TSPEAR: variants seen among roughly 807,000 people sequenced by gnomAD.
TSPEAR encodes the protein thrombospondin type laminin G domain and EAR repeats.
A neutral mutation model predicts 71.6 loss-of-function variants in TSPEAR; 69 were observed. That is an observed-to-expected ratio of 0.96 (90% CI 0.79 to 1.18). The LOEUF is 1.18. Among genes scored for constraint, TSPEAR ranks in the 50% most tolerant of loss-of-function variants. The probability of loss-of-function intolerance (pLI) is 0.00; values close to 1 mark genes in which losing one functional copy is unlikely to be tolerated. For synonymous variants in TSPEAR, 402 were observed against 387.2 expected (o/e 1.04, Z -0.45); for missense variants, 971 against 894.9 (o/e 1.09, Z -1.09).
chr21:44,646,983 G>T (rs1555940122), intron 1 of TSPEAR: 1 of 1,613,484 alleles, frequency 6.2e-7, no homozygotes, highest in South Asian at 1.1e-5. Context: ...CTAGCTGCCA[G>T]CCAGCTTGCT....
chr21:44,508,696 T>C (rs782746397), intron 10 of TSPEAR: 177 of 1,220,076 alleles, frequency 1.5e-4, no homozygotes, highest in Non-Finnish European at 1.8e-4. Context: ...CCACCCTCCA[T>C]GTTCCCTGGA....
Position 44,684,645 on chromosome 21 carries a change from G to C in TSPEAR, c.82+26788C>G, listed in dbSNP as rs375915536. Among the ~76,000 whole-genome samples the C allele has an allele frequency of 3.9e-5, 6 of 152,350 alleles. No homozygotes were observed. The South Asian group carries it at 8.3e-4, about 21-fold the overall frequency. On this transcript the variant is annotated intron_variant, in intron 1 of 11. Coordinates refer to ENST00000323084, the MANE Select transcript of TSPEAR (RefSeq NM_144991.3). ...AGGCAACGTGGACAGATGTGCTTTA[G>C]GTTGACTAGGACGAGGCCAGGTGGG...
chr21:44,702,385 C>CCAGCGCCTGCCAAACAGGCTGCA (rs1555951671), intron 1 of TSPEAR: 1 of 1,077,316 alleles, frequency 9.3e-7, no homozygotes, highest in Non-Finnish European at 1.3e-6. Flanking sequence ...AGCCTGTGAG[C>CCAGCGCCTGCCAAACAGGCTGCA]CCAGCTCCTG....
chr21:44,517,891 G>C (rs1555913702), intron 9 of TSPEAR: 3 of 470,350 alleles, frequency 6.4e-6, no homozygotes, highest in African/African-American at 6.0e-5. Flanking sequence ...AGTCTGATGA[G>C]ATCTGGGCGG....
chr21:44,544,617 G>A (rs1601394729), intron 2 of TSPEAR, among the ~76,000 whole-genome samples: 1 of 152,154 alleles, frequency 6.6e-6, no homozygotes, highest in Non-Finnish European at 1.5e-5. Context: ...GTTTTATTAG[G>A]CCATCATAAT....
In TSPEAR at chr21:44,593,842, G is replaced by A. The variant is rs374557576; in HGVS notation, c.83-25837C>T. 1.3e-5 allele frequency among the ~76,000 whole-genome samples: 2 copies of A among 152,152 alleles called. No individual in the cohort carries two copies. The highest frequency in any genetic ancestry group is 2.1e-4 in the South Asian group (1 of 4,814). On this transcript the variant is annotated intron_variant, in intron 1 of 11. Coordinates refer to ENST00000323084, the MANE Select transcript of TSPEAR (RefSeq NM_144991.3). This position sits in a 1 kb window ranked among gnomAD's most constrained non-coding sequence, Gnocchi z 5.9. ...TGGCCCCGCGATGAGGATGAGCAAG[G>A]TTCAAACGACTGCAGCTCATCCACC...
At chr21:44,682,303 T>C (rs1008546938) in intron 1 of TSPEAR, 1 of 737,484 alleles carries the variant, frequency 1.4e-6, no homozygotes, top group Non-Finnish European at 2.2e-6. Flanking sequence ...TCGTAGATGA[T>C]GTTTTTTATC....
At chr21:44,627,244 A>T in intron 1 of TSPEAR, 1 of 1,612,604 alleles carries the variant, frequency 6.2e-7, no homozygotes, top group Non-Finnish European at 8.5e-7. Flanking sequence ...CTGCCCAGAG[A>T]GCTGCTGTGA....
chr21:44,525,187 C>T (rs370017011), intron 8 of TSPEAR, among the ~76,000 whole-genome samples: 20 of 152,128 alleles, frequency 1.3e-4, no homozygotes, highest in African/African-American at 4.6e-4. Flanking sequence ...AGTAGTCAGT[C>T]AGTCTGTGAT....
chr21:44,526,790 C>T (rs1170885434), intron 7 of TSPEAR, among the ~76,000 whole-genome samples: 2 of 152,256 alleles, frequency 1.3e-5, no homozygotes, highest in Non-Finnish European at 2.9e-5. Context: ...ATCTCCCAGA[C>T]CCACCACCTC....
At chr21:44,533,963 A>AG in intron 2 of TSPEAR, 40 bp from the exon 3 acceptor site, 5 of 786,238 alleles carry the variant, frequency 6.4e-6, no homozygotes, top group East Asian at 5.4e-5. Flanking sequence ...GGCTGGGGGT[A>AG]GGGGTCGGGT....
In TSPEAR at chr21:44,689,712, A is replaced by ATATAT. The variant is rs1555949491; in HGVS notation, c.82+21720_82+21721insATATA. 5.3e-3 allele frequency among the ~76,000 whole-genome samples: 327 copies of ATATAT among 62,026 alleles called. 45 individuals carry two copies. The highest frequency in any genetic ancestry group is 7.8e-3 in the Middle Eastern group (1 of 128). 40.7% of individuals were successfully genotyped at this position (62,026 alleles called of 152,430 possible). A position where few individuals can be genotyped will look rare whatever the true frequency, so the allele number is the denominator to read the frequency against. On this transcript the variant is annotated intron_variant, in intron 1 of 11. Coordinates refer to ENST00000323084, the MANE Select transcript of TSPEAR (RefSeq NM_144991.3). ...TCCCTTAGAGGGACAGAATAGAATG[A>ATATAT]ATATATATATATATATATATATATA... is the stretch of plus-strand genomic sequence containing the variant.
chr21:44,550,518 C>G (rs2053393142), intron 2 of TSPEAR: 1 of 1,017,662 alleles, frequency 9.8e-7, no homozygotes, highest in Non-Finnish European at 1.4e-6. Flanking sequence ...GGCTCGCCCG[C>G]CCGGCGGGAG....
chr21:44,707,793 G>T (rs1988010662), intron 1 of TSPEAR, among the ~76,000 whole-genome samples: 1 of 152,000 alleles, frequency 6.6e-6, no homozygotes, highest in South Asian at 2.1e-4. Flanking sequence ...TATAGGTGGC[G>T]GTCATTCATT....
At chr21:44,533,947 G>A (rs782775062) in intron 2 of TSPEAR, 24 bp from the exon 3 acceptor site, 1 of 1,584,208 alleles carries the variant, frequency 6.3e-7, no homozygotes, top group East Asian at 2.3e-5. Flanking sequence ...GCCAGGCTCA[G>A]GACGGGGCTG....
chr21:44,600,593 C>T (rs2146145749), intron 1 of TSPEAR: 1 of 1,599,602 alleles, frequency 6.3e-7, no homozygotes, highest in Non-Finnish European at 8.5e-7. Context: ...CACCCACTCA[C>T]TCCCATCTCC....
In TSPEAR at chr21:44,499,851, C is replaced by G. The variant is rs782408135; in HGVS notation, c.1942G>C (p.Gly648Arg). ...RDWEAFSTTAGAYLIYSSAKE... is the reference protein window; with the variant it reads ...RDWEAFSTTARAYLIYSSAKE... ...GCGCTGGAGTAGATGAGGTAGGCAC[C>G]AGCCGTGGTGCTGAAGGCCTCCCAG... The change falls in exon 12 of 12, where the codon GGT becomes CGT. Residue 648 changes from glycine (G) to arginine (R), a missense_variant. Physicochemically the swap from Gly to Arg is moderately radical, Grantham distance 125 (BLOSUM62 -2). Transcript: ENST00000323084. 1 of 1,600,468 alleles carries G rather than the reference C, an allele frequency of 6.2e-7. No individual in the cohort carries two copies. The highest frequency in any genetic ancestry group is 8.5e-7 in the Non-Finnish European group (1 of 1,174,752).
intron 1 of TSPEAR, among the ~76,000 whole-genome samples, chr21:44,653,932 G>T (rs1984962254): frequency 6.6e-6 from 1 of 152,228 alleles, no homozygotes; most frequent in African/African-American, 2.4e-5. Flanking sequence ...TCCTGGGGAA[G>T]GTACCTCCTG....
At chr21:44,605,965 C>T (rs587748384) in intron 1 of TSPEAR, among the ~76,000 whole-genome samples, 4 of 151,850 alleles carry the variant, frequency 2.6e-5, no homozygotes, top group South Asian at 2.1e-4. Context: ...TTGCATCAAA[C>T]GAAAAAGCTG....
Sources: gnomAD v4.1 joint callset for allele counts (sites outside exome capture counted in the v4.1 genomes callset) on GRCh38, gnomAD v4.1.1 for gene constraint, Gnocchi (gnomAD v3.1) non-coding constraint, MANE v1.5 for transcripts, NCBI Gene and HGNC (gene_info 2026-07-23, HGNC 2026-07-21) for gene names.